NKAIN3: variants seen among roughly 807,000 people sequenced by gnomAD.
NKAIN3 encodes sodium/potassium-transporting ATPase subunit beta-1-interacting protein 3.
In NKAIN3, 25 loss-of-function variants were observed where a neutral mutation model predicts 30.2. That is an observed-to-expected ratio of 0.83 (90% CI 0.60 to 1.16). The LOEUF (loss-of-function observed/expected upper bound fraction) is 1.16. NKAIN3 is among the 50% of genes most tolerant of loss of function. The pLI, the probability that NKAIN3 is intolerant of heterozygous loss-of-function variation, is 0.00. For synonymous variants in NKAIN3, 91 were observed against 89.6 expected (o/e 1.02, Z -0.09); for missense variants, 225 against 254.1 (o/e 0.89, Z 0.78).
intron 3 of NKAIN3, among the ~76,000 whole-genome samples, chr8:62,729,729 C>G (rs960254283): frequency 3.2e-4 from 49 of 152,004 alleles, no homozygotes; most frequent in African/African-American, 1.2e-3. Flanking sequence ...TTTTTAATGT[C>G]TATGTAGGCC....
chr8:62,650,255 T>G (rs1361863481), intron 3 of NKAIN3, among the ~76,000 whole-genome samples: 1 of 152,148 alleles, frequency 6.6e-6, no homozygotes, highest in African/African-American at 2.4e-5. Flanking sequence ...TCAACCCTTC[T>G]TTCCTACTCA....
intron 1 of NKAIN3, among the ~76,000 whole-genome samples, chr8:62,289,692 G>T (rs1424451553): frequency 6.6e-6 from 1 of 152,110 alleles, no homozygotes; most frequent in East Asian, 1.9e-4. Flanking sequence ...CTCCAGCTTT[G>T]TTCTTTTGGC....
At chr8:62,853,869 T>C (rs1819985179) in intron 4 of NKAIN3, among the ~76,000 whole-genome samples, 2 of 152,162 alleles carry the variant, frequency 1.3e-5, no homozygotes, top group Admixed American at 6.5e-5. Flanking sequence ...CACTGCTTTA[T>C]CTACATCCCA....
intron 6 of NKAIN3, among the ~76,000 whole-genome samples, chr8:62,961,864 G>A (rs72656545): frequency 0.023 from 3,495 of 152,208 alleles, 54 homozygotes; most frequent in South Asian, 0.032. Context: ...TACTAGATGA[G>A]AAAGAAATTT....
intron 3 of NKAIN3, among the ~76,000 whole-genome samples, chr8:62,681,647 T>C (rs1813648394): frequency 1.3e-5 from 2 of 152,328 alleles, no homozygotes; most frequent in East Asian, 3.9e-4. Context: ...GTTATTTTTA[T>C]GTATTTGTTT....
At chr8:62,899,602 G>T (rs956299496) in intron 4 of NKAIN3, among the ~76,000 whole-genome samples, 1 of 152,108 alleles carries the variant, frequency 6.6e-6, no homozygotes, top group East Asian at 1.9e-4. Flanking sequence ...AGCGGGAGGG[G>T]TTAGAGGAGC....
chr8:62,612,417 ATATAAG>A (rs2130190696), intron 3 of NKAIN3, among the ~76,000 whole-genome samples: 1 of 151,924 alleles, frequency 6.6e-6, no homozygotes, highest in African/African-American at 2.4e-5. Flanking sequence ...ATTTTGTCTG[ATATAAG>A]TATAATGACT....
chr8:62,313,759 CAAAGAAG>C (rs1334998662), intron 1 of NKAIN3, among the ~76,000 whole-genome samples: 1 of 152,066 alleles, frequency 6.6e-6, no homozygotes. Flanking sequence ...CACCATTTTT[CAAAGAAG>C]ACAAACAGCA....
At chr8:62,804,986 A>G (rs1818218367) in intron 4 of NKAIN3, among the ~76,000 whole-genome samples, 1 of 152,186 alleles carries the variant, frequency 6.6e-6, no homozygotes, top group Non-Finnish European at 1.5e-5. Flanking sequence ...CAAAAATCAC[A>G]ATCATTCTTA....
intron 4 of NKAIN3, among the ~76,000 whole-genome samples, chr8:62,808,379 T>A: frequency 6.6e-6 from 1 of 152,216 alleles, no homozygotes; most frequent in East Asian, 1.9e-4. Context: ...TGTAACACTA[T>A]TTTCTTCAGT....
chr8:62,545,220 T>C (rs910146260), intron 1 of NKAIN3, among the ~76,000 whole-genome samples: 6 of 152,236 alleles, frequency 3.9e-5, no homozygotes, highest in African/African-American at 1.2e-4. Context: ...ACTTTAAATT[T>C]ACTGACATAA....
At chr8:62,687,644 C>T (rs865920971) in intron 3 of NKAIN3, among the ~76,000 whole-genome samples, 1 of 152,216 alleles carries the variant, frequency 6.6e-6, no homozygotes, top group East Asian at 1.9e-4. Context: ...TGTAAAAGCA[C>T]TCCTTTCTCT....
chr8:62,695,238 G>T (rs1814114130), intron 3 of NKAIN3, among the ~76,000 whole-genome samples: 2 of 152,086 alleles, frequency 1.3e-5, no homozygotes, highest in East Asian at 1.9e-4. Context: ...CAGGTGAAAG[G>T]GCCAAGTCTT....
rs192743057 is a variant in NKAIN3, at chr8:62,382,782, C to T, written c.54+133655C>T. 9.0e-4 allele frequency among the ~76,000 whole-genome samples: 137 copies of T among 152,186 alleles called. 2 individuals carry two copies. The highest frequency in any genetic ancestry group is 3.4e-3 in the Middle Eastern group (1 of 294). ...GTGGCTGTTAGCTCTTTAATTTCTC[C>T]GATATCTATATTTTGAAACCCTTCA... is the stretch of plus-strand genomic sequence containing the variant. On this transcript the variant is annotated intron_variant, in intron 1 of 6. Coordinates refer to ENST00000623646, the MANE Select transcript of NKAIN3 (RefSeq NM_001304533.3).
At chr8:62,721,946 A>C (rs1815106309) in intron 3 of NKAIN3, among the ~76,000 whole-genome samples, 1 of 152,166 alleles carries the variant, frequency 6.6e-6, no homozygotes, top group South Asian at 2.1e-4. Flanking sequence ...ATCCTAACTT[A>C]TGATAGAAGA....
chr8:62,543,718 C>A (rs149774058), intron 1 of NKAIN3, among the ~76,000 whole-genome samples: 48 of 152,248 alleles, frequency 3.2e-4, no homozygotes, highest in African/African-American at 1.1e-3. Context: ...CAATGTGTAA[C>A]ATTTGTAATA....
At chr8:62,813,950 A>G (rs2130718878) in intron 4 of NKAIN3, among the ~76,000 whole-genome samples, 1 of 152,126 alleles carries the variant, frequency 6.6e-6, no homozygotes, top group South Asian at 2.1e-4. Flanking sequence ...TTTTAGTGCT[A>G]TGAATATATC....
At chr8:62,326,880 C>T (rs1036061675) in intron 1 of NKAIN3, among the ~76,000 whole-genome samples, 9 of 152,122 alleles carry the variant, frequency 5.9e-5, no homozygotes, top group Admixed American at 5.2e-4. Context: ...AACTGCAATA[C>T]TGATTTACAC....
At chr8:62,814,830 G>A (rs561532452) in intron 4 of NKAIN3, among the ~76,000 whole-genome samples, 7 of 151,958 alleles carry the variant, frequency 4.6e-5, no homozygotes, top group Non-Finnish European at 1.0e-4. Flanking sequence ...AACTAGAAAA[G>A]CAAGAGCAAA....
Sources: allele counts gnomAD v4.1 joint callset (sites outside exome capture counted in the v4.1 genomes callset), GRCh38; gene constraint gnomAD v4.1.1; transcripts MANE v1.5; gene names NCBI Gene and HGNC (gene_info 2026-07-23, HGNC 2026-07-21).